The following MYO10 variants were observed in gnomAD, a reference collection of about 807,000 sequenced individuals.
MYO10 encodes the protein unconventional myosin-X.
MYO10 carries 133 observed loss-of-function variants against 257.3 expected under a neutral mutation model. That is an observed-to-expected ratio of 0.52 (90% confidence interval 0.45 to 0.60). The LOEUF is 0.60. MYO10 is among the 20% of genes least tolerant of loss of function. The probability of loss-of-function intolerance (pLI) is 0.00; values close to 1 mark genes in which losing one functional copy is unlikely to be tolerated. For synonymous variants in MYO10, 1,104 were observed against 1,028.6 expected (o/e 1.07, Z -1.40); for missense variants, 2,399 against 2,635.7 (o/e 0.91, Z 1.97).
intron 28 of MYO10, among the ~76,000 whole-genome samples, chr5:16,687,413 T>C (rs6881621): frequency 0.29 from 43,296 of 150,512 alleles, 6,400 homozygotes; most frequent in South Asian, 0.37. Context: ...TGAACAGACA[T>C]GCATCCATCT....
At chr5:16,739,852 T>C (rs933250506) in intron 19 of MYO10, among the ~76,000 whole-genome samples, 2 of 152,202 alleles carry the variant, frequency 1.3e-5, no homozygotes, top group Admixed American at 6.5e-5. Context: ...CATATTTCCC[T>C]AATATTTTAT....
At chr5:16,806,189 T>TA (rs1024187368) in intron 3 of MYO10, among the ~76,000 whole-genome samples, 21 of 145,444 alleles carry the variant, frequency 1.4e-4, no homozygotes, top group South Asian at 2.2e-4. Flanking sequence ...TATTACAATT[T>TA]AAAAAAAAAA....
At chr5:16,744,989 CAGA>C (rs998696821) in intron 19 of MYO10, among the ~76,000 whole-genome samples, 13 of 152,174 alleles carry the variant, frequency 8.5e-5, no homozygotes, top group Non-Finnish European at 1.6e-4. Context: ...CTCAAATGGC[CAGA>C]AGAAGAGCAG....
At chr5:16,688,003 C>T (rs937761671) in intron 28 of MYO10, among the ~76,000 whole-genome samples, 4 of 152,094 alleles carry the variant, frequency 2.6e-5, no homozygotes, top group African/African-American at 9.7e-5. Context: ...AATAGTGTTC[C>T]ACTGGTCAGG....
intron 19 of MYO10, among the ~76,000 whole-genome samples, chr5:16,728,379 TG>T (rs1006303015): frequency 1.3e-5 from 2 of 152,102 alleles, no homozygotes; most frequent in African/African-American, 4.8e-5. Flanking sequence ...ACCAACTCCT[TG>T]GGGATGAGGT....
chr5:16,918,009 T>C (rs1376243558), intron 1 of MYO10, among the ~76,000 whole-genome samples: 1 of 152,196 alleles, frequency 6.6e-6, no homozygotes, highest in African/African-American at 2.4e-5. Flanking sequence ...ACGTATTCCA[T>C]AGGAATAAAA....
At chr5:16,871,813 G>A (rs1744462937) in intron 2 of MYO10, among the ~76,000 whole-genome samples, 1 of 152,172 alleles carries the variant, frequency 6.6e-6, no homozygotes, top group South Asian at 2.1e-4. Flanking sequence ...ATCCAAGCCT[G>A]AATCCAATTT....
chr5:16,712,176 G>A (rs970090048), intron 19 of MYO10, among the ~76,000 whole-genome samples: 3 of 152,034 alleles, frequency 2.0e-5, no homozygotes, highest in South Asian at 2.1e-4. Context: ...ACATAGAGGC[G>A]AAAAAGAGTT....
intron 1 of MYO10, among the ~76,000 whole-genome samples, chr5:16,932,790 A>G (rs1746325952): frequency 7.9e-6 from 1 of 126,612 alleles, no homozygotes; most frequent in Non-Finnish European, 1.8e-5. Context: ...AGCAGGCAGT[A>G]AGAGTCTATC....
At chr5:16,669,898 T>C (rs1015990444) in intron 39 of MYO10, among the ~76,000 whole-genome samples, 4 of 152,064 alleles carry the variant, frequency 2.6e-5, no homozygotes, top group Admixed American at 2.6e-4. Context: ...TACTCAACTC[T>C]GTACAAAAAC....
chr5:16,671,360 G>A, intron 38 of MYO10, 62 bp downstream of exon 38: 1 of 1,584,870 alleles, frequency 6.3e-7, no homozygotes, highest in African/African-American at 1.3e-5. Context: ...ACAAGGCTAA[G>A]TATTAACAGG....
At chr5:16,923,292 T>C (rs1193640473) in intron 1 of MYO10, among the ~76,000 whole-genome samples, 1 of 151,876 alleles carries the variant, frequency 6.6e-6, no homozygotes, top group Non-Finnish European at 1.5e-5. Context: ...ACTAAACTCT[T>C]CTTTTTTTTT....
At chr5:16,851,224 C>T (rs1235544795) in intron 2 of MYO10, among the ~76,000 whole-genome samples, 1 of 152,172 alleles carries the variant, frequency 6.6e-6, no homozygotes, top group Non-Finnish European at 1.5e-5. Context: ...ACATTATGTT[C>T]CGGAGACTCT....
intron 37 of MYO10, among the ~76,000 whole-genome samples, chr5:16,672,418 TCAA>T (rs1736509481): frequency 7.4e-6 from 1 of 134,974 alleles, no homozygotes; most frequent in Admixed American, 7.4e-5. Flanking sequence ...ACCTAAAAAA[TCAA>T]GAAATACCCA....
At chr5:16,851,831 T>C (rs533233256) in intron 2 of MYO10, among the ~76,000 whole-genome samples, 1 of 152,046 alleles carries the variant, frequency 6.6e-6, no homozygotes, top group South Asian at 2.1e-4. Flanking sequence ...GGCGGGCAGA[T>C]CACGAGGTCA....
intron 33 of MYO10, among the ~76,000 whole-genome samples, chr5:16,679,161 G>C (rs1004898388): frequency 6.6e-6 from 1 of 152,340 alleles, no homozygotes; most frequent in East Asian, 1.9e-4. Flanking sequence ...GGGATGCCAA[G>C]TGTTCTTCTA....
chr5:16,771,762 G>C (rs1367151666), intron 9 of MYO10, among the ~76,000 whole-genome samples: 9 of 151,268 alleles, frequency 5.9e-5, no homozygotes, highest in Non-Finnish European at 1.0e-4. Context: ...TGTATTTTTA[G>C]GAGAGATGGA....
intron 3 of MYO10, among the ~76,000 whole-genome samples, chr5:16,796,619 T>C (rs1305873483): frequency 2.0e-5 from 3 of 152,230 alleles, no homozygotes; most frequent in Non-Finnish European, 4.4e-5. Context: ...ATTACCTGGC[T>C]TCCAGGCTCA....
intron 1 of MYO10, among the ~76,000 whole-genome samples, chr5:16,917,409 T>C (rs571059738): frequency 6.6e-6 from 1 of 152,268 alleles, no homozygotes; most frequent in South Asian, 2.1e-4. Context: ...CCTCTGCAAT[T>C]GAGGATGTTT....
Sources: gnomAD v4.1 joint callset for allele counts (sites outside exome capture counted in the v4.1 genomes callset) on GRCh38, gnomAD v4.1.1 for gene constraint, MANE v1.5 for transcripts, NCBI Gene and HGNC (gene_info 2026-07-23, HGNC 2026-07-21) for gene names.